Variants in CTNND2 observed in about 807,000 individuals in gnomAD.
CTNND2 encodes catenin delta-2.
Under a neutral mutation model 144.4 loss-of-function variants are expected in CTNND2, and 22 were observed. That is an observed-to-expected ratio of 0.15 (90% CI 0.11 to 0.22). CTNND2 has a LOEUF of 0.22. Ranked by LOEUF, CTNND2 falls within the 10% of genes least tolerant of loss-of-function variation. CTNND2 has a pLI of 1.00. For synonymous variants in CTNND2, 751 were observed against 695.6 expected (o/e 1.08, Z -1.25); for missense variants, 1,353 against 1,618.8 (o/e 0.84, Z 2.82).
At chr5:11,789,013 A>C (rs953722921) in intron 1 of CTNND2, among the ~76,000 whole-genome samples, 8 of 152,168 alleles carry the variant, frequency 5.3e-5, no homozygotes, top group Non-Finnish European at 1.0e-4. Context: ...TCAAAACCAC[A>C]ATGAGATACC....
chr5:11,578,836 A>G (rs1382296735), intron 2 of CTNND2, among the ~76,000 whole-genome samples: 1 of 152,166 alleles, frequency 6.6e-6, no homozygotes, highest in Non-Finnish European at 1.5e-5. Flanking sequence ...GGTATTTCCT[A>G]TTCTTGATAA....
chr5:11,496,183 G>A (rs566231494), intron 3 of CTNND2, among the ~76,000 whole-genome samples: 13 of 152,222 alleles, frequency 8.5e-5, no homozygotes, highest in African/African-American at 2.2e-4. Context: ...TTTCTAAAGT[G>A]CATTCATCTA....
In CTNND2 at chr5:11,889,680, A is replaced by G. The variant is rs75368129; in HGVS notation, c.37+14137T>C. Among the ~76,000 whole-genome samples, 394 of 152,384 alleles carry G rather than the reference A, an allele frequency of 2.6e-3. 15 individuals carry two copies. In the East Asian group the frequency reaches 0.065, roughly 25 times the overall value. ...GCAATACTTCATTTTATATTAATAT[A>G]AATTCTCAGATACAGACATTTCTTA... On this transcript the variant is annotated intron_variant, in intron 1 of 21. Transcript: ENST00000304623.
chr5:11,502,092 A>G (rs32621), intron 3 of CTNND2, among the ~76,000 whole-genome samples: 55,278 of 150,894 alleles, frequency 0.37, 10,896 homozygotes, highest in South Asian at 0.43. Flanking sequence ...TGAGGACACA[A>G]CAAGAAGGCA....
intron 1 of CTNND2, among the ~76,000 whole-genome samples, chr5:11,737,868 T>C (rs541087210): frequency 1.7e-4 from 26 of 152,328 alleles, no homozygotes; most frequent in Non-Finnish European, 2.8e-4. Context: ...GAAAGTACTG[T>C]TGACCAGCGG....
intron 1 of CTNND2, among the ~76,000 whole-genome samples, chr5:11,795,629 T>C (rs1791360513): frequency 6.6e-6 from 1 of 152,150 alleles, no homozygotes; most frequent in South Asian, 2.1e-4. Context: ...AGGTTTAGAA[T>C]GTGGACCAGC....
At chr5:11,108,267 G>A (rs1310113329) in intron 14 of CTNND2, among the ~76,000 whole-genome samples, 1 of 152,202 alleles carries the variant, frequency 6.6e-6, no homozygotes, top group East Asian at 1.9e-4. Flanking sequence ...GACAGGCCAG[G>A]AAAGAGTGCG....
intron 12 of CTNND2, among the ~76,000 whole-genome samples, chr5:11,157,258 AG>A (rs1398463579): frequency 6.6e-6 from 1 of 152,202 alleles, no homozygotes; most frequent in African/African-American, 2.4e-5. Context: ...ACTCCTCTAG[AG>A]TCCTTTCAAC....
At chr5:11,803,603 A>T (rs1454499296) in intron 1 of CTNND2, among the ~76,000 whole-genome samples, 1 of 152,188 alleles carries the variant, frequency 6.6e-6, no homozygotes, top group African/African-American at 2.4e-5. Context: ...AATATTAAGG[A>T]AGTGAACCCT....
intron 3 of CTNND2, among the ~76,000 whole-genome samples, chr5:11,424,048 C>A (rs1762577107): frequency 6.6e-6 from 1 of 152,050 alleles, no homozygotes; most frequent in Non-Finnish European, 1.5e-5. Context: ...GCCTTTTGAC[C>A]ATCTGAGTCA....
intron 9 of CTNND2, among the ~76,000 whole-genome samples, chr5:11,252,330 C>CTTTTTTTT (rs1743749803): frequency 6.6e-6 from 1 of 152,100 alleles, no homozygotes; most frequent in African/African-American, 2.4e-5. Flanking sequence ...ACAAGCAGCT[C>CTTTTTTTT]TTTCTAGATT....
intron 2 of CTNND2, among the ~76,000 whole-genome samples, chr5:11,725,004 T>C (rs1249130366): frequency 6.6e-6 from 1 of 152,186 alleles, no homozygotes; most frequent in Non-Finnish European, 1.5e-5. Context: ...GAGTAGAATA[T>C]GAAAGTCAGA....
At chr5:11,373,769 C>A (rs1581044239) in intron 7 of CTNND2, among the ~76,000 whole-genome samples, 1 of 152,164 alleles carries the variant, frequency 6.6e-6, no homozygotes, top group African/African-American at 2.4e-5. Context: ...CTCTTTAAGG[C>A]TGAAGCTTCA....
intron 1 of CTNND2, among the ~76,000 whole-genome samples, chr5:11,758,813 G>A (rs1789095614): frequency 6.6e-6 from 1 of 151,808 alleles, no homozygotes; most frequent in Admixed American, 6.6e-5. Context: ...TCTATGTTTA[G>A]GAGAACTCCC....
chr5:11,593,226 A>G (rs1581579268), intron 2 of CTNND2, among the ~76,000 whole-genome samples: 1 of 152,198 alleles, frequency 6.6e-6, no homozygotes, highest in African/African-American at 2.4e-5. Flanking sequence ...ATTGGGCCAT[A>G]TTAAAATTGA....
intron 2 of CTNND2, among the ~76,000 whole-genome samples, chr5:11,597,906 G>A (rs979097842): frequency 2.0e-5 from 3 of 152,194 alleles, no homozygotes; most frequent in African/African-American, 7.2e-5. Flanking sequence ...AAGATAAGTA[G>A]AGCTGGTATT....
At chr5:11,719,833 T>TACACACACACACAC (rs36223515) in intron 2 of CTNND2, among the ~76,000 whole-genome samples, 5 of 142,004 alleles carry the variant, frequency 3.5e-5, no homozygotes, top group South Asian at 2.3e-4. Flanking sequence ...CTCTGACATA[T>TACACACACACACAC]ACACACACAC....
intron 3 of CTNND2, among the ~76,000 whole-genome samples, chr5:11,497,481 G>A (rs1770065363): frequency 8.0e-6 from 1 of 124,900 alleles, no homozygotes; most frequent in South Asian, 3.0e-4. Context: ...GGAATGATAT[G>A]TTGACATCCA....
chr5:11,018,584 A>G (rs1741877931), intron 17 of CTNND2, among the ~76,000 whole-genome samples: 1 of 152,226 alleles, frequency 6.6e-6, no homozygotes, highest in Non-Finnish European at 1.5e-5. Context: ...GAACACACGA[A>G]TAATAAGAAA....
Sources: gnomAD v4.1 joint callset for allele counts (sites outside exome capture counted in the v4.1 genomes callset) on GRCh38, gnomAD v4.1.1 for gene constraint, MANE v1.5 for transcripts, NCBI Gene and HGNC (gene_info 2026-07-23, HGNC 2026-07-21) for gene names.